DGKI: variants seen among roughly 807,000 people sequenced by gnomAD.
DGKI encodes the protein DAG kinase iota.
Under a neutral mutation model 147.5 loss-of-function variants are expected in DGKI, and 55 were observed. The observed-to-expected ratio is 0.37, with a 90% confidence interval of 0.30 to 0.47. The LOEUF (loss-of-function observed/expected upper bound fraction) is 0.47. DGKI is among the 20% of genes least tolerant of loss of function. DGKI has a pLI of 1.00. For missense variants in DGKI, 1,007 were observed against 1,323.8 expected (o/e 0.76, Z 3.71); for synonymous variants, 469 against 477.1 (o/e 0.98, Z 0.22).
intron 28 of DGKI, among the ~76,000 whole-genome samples, chr7:137,434,562 C>T (rs1461746579): frequency 6.6e-6 from 1 of 152,206 alleles, no homozygotes; most frequent in African/African-American, 2.4e-5. Flanking sequence ...GCCTGGGTGA[C>T]AGAGCAAGAC....
In DGKI at chr7:137,706,659, G is replaced by A. The variant is rs543016079; in HGVS notation, c.402-16657C>T. Among the ~76,000 whole-genome samples, 865 of 150,868 alleles carry A rather than the reference G, an allele frequency of 5.7e-3. 5 individuals carry two copies. The highest frequency in any genetic ancestry group is 8.1e-3 in the Non-Finnish European group (546 of 67,782). ...GCAATTTTGGATCACTGCAACCTCC[G>A]CCTCCCGGGTTCAAGCGATTCTTCT... On this transcript the variant is annotated intron_variant, in intron 1 of 32. Coordinates refer to ENST00000614521, the MANE Select transcript of DGKI (RefSeq NM_001321708.2).
At chr7:137,565,161 A>G (rs1211122974) in intron 19 of DGKI, among the ~76,000 whole-genome samples, 2 of 152,234 alleles carry the variant, frequency 1.3e-5, no homozygotes, top group Non-Finnish European at 2.9e-5. Flanking sequence ...AATATAAAAC[A>G]TCAAAAACCT....
chr7:137,585,057 T>C (rs1352022500), intron 14 of DGKI, 152 bp downstream of exon 14: 26 of 841,450 alleles, frequency 3.1e-5, no homozygotes, highest in Non-Finnish European at 4.6e-5. Context: ...GTGGTAATAT[T>C]ATACACATAG....
chr7:137,837,997 CTTTTTT>C (rs777963342), intron 1 of DGKI, among the ~76,000 whole-genome samples: 1 of 109,834 alleles, frequency 9.1e-6, no homozygotes, highest in African/African-American at 3.7e-5. Context: ...AAGGGAGAAA[CTTTTTT>C]TTTTTTTTTT....
At chr7:137,707,453 C>A (rs962637551) in intron 1 of DGKI, among the ~76,000 whole-genome samples, 3 of 152,228 alleles carry the variant, frequency 2.0e-5, no homozygotes, top group Non-Finnish European at 2.9e-5. Context: ...ATATCCAAAT[C>A]TCATGTTCAA....
chr7:137,576,043 C>CT (rs1386281275), intron 17 of DGKI, among the ~76,000 whole-genome samples: 98 of 135,044 alleles, frequency 7.3e-4, no homozygotes, highest in East Asian at 1.1e-3. Context: ...TTTTCTTTTT[C>CT]TTTTTTTTTT....
intron 20 of DGKI, among the ~76,000 whole-genome samples, chr7:137,546,467 G>A (rs1585217956): frequency 6.6e-6 from 1 of 152,182 alleles, no homozygotes; most frequent in Admixed American, 6.5e-5. Context: ...TAAAAAGAGT[G>A]TCTCAACCAA....
intron 1 of DGKI, among the ~76,000 whole-genome samples, chr7:137,713,233 T>A (rs1794270405): frequency 6.6e-6 from 1 of 152,194 alleles, no homozygotes; most frequent in African/African-American, 2.4e-5. Context: ...CAGAACCAAC[T>A]GCAGGACCCC....
rs558064128 is a variant in DGKI, at chr7:137,560,389, T to C, written c.1948-7821A>G. Among the ~76,000 whole-genome samples the C allele has an allele frequency of 1.6e-4, 24 of 152,220 alleles. No homozygotes were observed. The South Asian group carries it at 4.8e-3, about 30-fold the overall frequency. On this transcript the variant is annotated intron_variant, in intron 19 of 32. Coordinates refer to ENST00000614521, the MANE Select transcript of DGKI (RefSeq NM_001321708.2). ...GAGAAAGGGAGAATTGAGCATAAAA[T>C]ACATGAATAAAAATATTCCTAGTTC...
intron 21 of DGKI, among the ~76,000 whole-genome samples, chr7:137,519,994 C>G (rs1205167337): frequency 6.6e-6 from 1 of 151,972 alleles, no homozygotes; most frequent in Non-Finnish European, 1.5e-5. Context: ...TACATTTATG[C>G]CATATTTGAC....
At chr7:137,551,235 C>G (rs1818034738) in intron 20 of DGKI, among the ~76,000 whole-genome samples, 1 of 152,128 alleles carries the variant, frequency 6.6e-6, no homozygotes, top group Non-Finnish European at 1.5e-5. Flanking sequence ...ATGCCAAAAG[C>G]TGGAACACTC....
At chr7:137,673,229 T>C (rs1822915719) in intron 3 of DGKI, among the ~76,000 whole-genome samples, 2 of 152,192 alleles carry the variant, frequency 1.3e-5, no homozygotes, top group Non-Finnish European at 2.9e-5. Context: ...GCGTCAGGAC[T>C]TCGACATATC....
chr7:137,701,318 AT>A (rs201368415), intron 1 of DGKI, among the ~76,000 whole-genome samples: 1 of 152,170 alleles, frequency 6.6e-6, no homozygotes, highest in East Asian at 1.9e-4. Context: ...TTTATTCAAC[AT>A]TGTAATGGAA....
At chr7:137,474,236 C>CA (rs780407122) in intron 23 of DGKI, among the ~76,000 whole-genome samples, 5 of 151,864 alleles carry the variant, frequency 3.3e-5, no homozygotes, top group African/African-American at 9.7e-5. Context: ...CATCAAGTCT[C>CA]AAAAAAAATT....
intron 1 of DGKI, among the ~76,000 whole-genome samples, chr7:137,828,627 G>A (rs1017545190): frequency 7.2e-5 from 11 of 152,042 alleles, no homozygotes; most frequent in African/African-American, 2.7e-4. Context: ...CACATTACTT[G>A]AGTTATTTTT....
chr7:137,701,820 T>G (rs1224829961), intron 1 of DGKI, among the ~76,000 whole-genome samples: 1 of 151,922 alleles, frequency 6.6e-6, no homozygotes, highest in Non-Finnish European at 1.5e-5. Context: ...ATTTAAAAAA[T>G]GTATATAGCA....
intron 20 of DGKI, among the ~76,000 whole-genome samples, chr7:137,539,274 T>C (rs1018793256): frequency 2.0e-5 from 3 of 152,148 alleles, no homozygotes; most frequent in Non-Finnish European, 4.4e-5. Flanking sequence ...ACAGGCAGTA[T>C]GCAGCAGAGT....
At position 137,846,769 on chromosome 7, in the gene DGKI, T is replaced by TGGC. The variant is rs527683728; in HGVS notation, c.91_93dup (p.Ala31dup). 345 of 1,050,552 alleles carry TGGC rather than the reference T, an allele frequency of 3.3e-4. No homozygotes were observed. Among genetic ancestry groups the TGGC allele is most frequent in the Middle Eastern group, 1.3e-3 (3 of 2,266 alleles). 65.1% of individuals were successfully genotyped at this position (1,050,552 alleles called of 1,614,324 possible). Reference sequence around the variant, plus strand: ...GCGCCGCTGCAGGGGCCGGGCGGGCTGGCGGCGGCGGCGGCGGCGGCTGCA... The same window carrying TGGC: ...GCGCCGCTGCAGGGGCCGGGCGGGCTGGCGGCGGCGGCGGCGGCGGCGGCTGCA... On this transcript the variant is annotated inframe_insertion, in exon 1 of 33. Transcript: ENST00000614521. The surrounding 1 kb of genome is among the most constrained non-coding windows in gnomAD (Gnocchi z 4.0).
chr7:137,761,508 T>C (rs1402327485), intron 1 of DGKI, among the ~76,000 whole-genome samples: 2 of 152,208 alleles, frequency 1.3e-5, no homozygotes, highest in Non-Finnish European at 2.9e-5. Context: ...ACAGAAATCA[T>C]TAATGACTAT....
Sources: allele counts gnomAD v4.1 joint callset (sites outside exome capture counted in the v4.1 genomes callset), GRCh38; gene constraint gnomAD v4.1.1; non-coding constraint Gnocchi (gnomAD v3.1); transcripts MANE v1.5; gene names NCBI Gene and HGNC (gene_info 2026-07-23, HGNC 2026-07-21).